Variants in SEC24D observed in about 807,000 individuals in gnomAD.
The protein encoded by SEC24D is protein transport protein Sec24D.
In SEC24D, 69 loss-of-function variants were observed where a neutral mutation model predicts 116.9. The ratio of observed to expected loss-of-function variants is 0.59; its 90% confidence interval spans 0.49 to 0.72. SEC24D has a LOEUF of 0.72. SEC24D is among the 30% of genes least tolerant of loss of function. SEC24D has a pLI of 0.00. For missense variants in SEC24D, 1,131 were observed against 1,264.1 expected, an observed-to-expected ratio of 0.89 and a Z score of 1.60; for synonymous variants, 405 against 442.8, an observed-to-expected ratio of 0.91 and a Z score of 1.07.
At chr4:118,825,633 G>T (rs1313466730) in intron 2 of SEC24D, 2 of 454,726 alleles carry the variant, frequency 4.4e-6, no homozygotes, top group Admixed American at 2.4e-5. Flanking sequence ...AAAATGAAAG[G>T]CTTAGACTAG....
At chr4:118,835,127 T>C (rs1731037336) in intron 1 of SEC24D, among the ~76,000 whole-genome samples, 1 of 152,190 alleles carries the variant, frequency 6.6e-6, no homozygotes, top group Non-Finnish European at 1.5e-5. Flanking sequence ...GCCTGAGCGC[T>C]GGTCAAGCTC....
At chr4:118,725,308 TAATG>T (rs1251717555) in intron 22 of SEC24D, among the ~76,000 whole-genome samples, 1 of 152,174 alleles carries the variant, frequency 6.6e-6, no homozygotes, top group Non-Finnish European at 1.5e-5. Context: ...AACTAACCCT[TAATG>T]AGATTTCTCC....
At position 118,817,223 on chromosome 4, in the gene SEC24D, G is replaced by A. The variant is rs755051933; in HGVS notation, c.397+41C>T. 21 of 1,520,226 alleles carry A rather than the reference G, an allele frequency of 1.4e-5. No homozygotes were observed. The Admixed American group carries it at 2.9e-4, about 21-fold the overall frequency. 94.2% of individuals were successfully genotyped at this position (1,520,226 alleles called of 1,614,324 possible). On this transcript the variant is annotated intron_variant, in intron 4 of 22. Transcript: ENST00000280551. The stretch of plus-strand genomic sequence containing the variant: ...AACCTCTCTCATTAAAAATGACCAG[G>A]ACACAAGGCAGTCAATAAACACTAA...
At chr4:118,750,127 G>C (rs1024324646) in intron 13 of SEC24D, among the ~76,000 whole-genome samples, 2 of 152,142 alleles carry the variant, frequency 1.3e-5, no homozygotes, top group East Asian at 3.8e-4. Context: ...CATCACATCA[G>C]CTGAAATGAG....
rs116166779 is a variant in SEC24D at position 118,810,917 on chromosome 4, A to C, written c.801+4111T>G. 2.9e-3 allele frequency among the ~76,000 whole-genome samples: 442 copies of C among 152,302 alleles called. 3 individuals are homozygous for C. The highest frequency in any genetic ancestry group is 0.01 in the African/African-American group (420 of 41,532). On this transcript the variant is annotated intron_variant, in intron 6 of 22. Transcript: ENST00000280551. Reference sequence around the variant, plus strand: ...ACAGCCTCCAGTGGGGTAGGCAGAGATATAAGCAAATGGGTGGAATCCCAG... The same window carrying C: ...ACAGCCTCCAGTGGGGTAGGCAGAGCTATAAGCAAATGGGTGGAATCCCAG...
intron 3 of SEC24D, among the ~76,000 whole-genome samples, chr4:118,818,754 T>C (rs576043274): frequency 6.6e-6 from 1 of 151,478 alleles, no homozygotes; most frequent in Non-Finnish European, 1.5e-5. Context: ...ATAAAATACA[T>C]GTTGCAAGAA....
Position 118,812,289 on chromosome 4 carries a change from C to T in SEC24D, c.801+2739G>A, listed in dbSNP as rs534971185. Among the ~76,000 whole-genome samples, 44 of 152,158 alleles carry T rather than the reference C, an allele frequency of 2.9e-4. No individual in the cohort carries two copies. In the East Asian group the frequency reaches 6.8e-3, roughly 23 times the overall value. On this transcript the variant is annotated intron_variant, in intron 6 of 22. Transcript: ENST00000280551. ...CTGTGAATATTACTGATATGGGAGG[C>T]GGGCAGGGAAGTGCTGGGTAGAGAA...
chr4:118,749,282 T>G (rs552465687), intron 13 of SEC24D, among the ~76,000 whole-genome samples: 1 of 152,300 alleles, frequency 6.6e-6, no homozygotes, highest in Admixed American at 6.5e-5. Flanking sequence ...TTTCAAGGAC[T>G]TTTCAAAAGG....
In SEC24D at chr4:118,752,882, C is replaced by A. The variant is rs770444839; in HGVS notation, c.1428G>T (p.Glu476Asp). ...KTMLEKIPKE[E>D]QEETSAIRVG... Reference sequence around the variant, plus strand: ...CTCGAATTGCAGACGTCTCTTCTTGCTCTTCCCTGTAAGGAAAAAAAAAAG... The same window carrying A: ...CTCGAATTGCAGACGTCTCTTCTTGATCTTCCCTGTAAGGAAAAAAAAAAG... Residue 476 changes from glutamate to aspartate, a missense_variant, in exon 12 of 23, where the codon GAG (glutamate) becomes GAT (aspartate). Physicochemically the swap from Glu to Asp is conservative, Grantham distance 45. Coordinates refer to ENST00000280551, the MANE Select transcript of SEC24D (RefSeq NM_014822.4). 127 of 1,556,650 alleles carry A rather than the reference C, an allele frequency of 8.2e-5. 1 individual carries two copies. The highest frequency in any genetic ancestry group is 1.1e-4 in the Non-Finnish European group (126 of 1,158,088).
At chr4:118,790,014 G>A (rs1263172722) in intron 8 of SEC24D, among the ~76,000 whole-genome samples, 1 of 152,162 alleles carries the variant, frequency 6.6e-6, no homozygotes, top group African/African-American at 2.4e-5. Context: ...CACATTGTAC[G>A]AAAGTTAGCT....
intron 6 of SEC24D, among the ~76,000 whole-genome samples, 168 bp downstream of exon 6, chr4:118,814,860 T>C (rs1730069521): frequency 6.6e-6 from 1 of 152,200 alleles, no homozygotes; most frequent in Non-Finnish European, 1.5e-5. Context: ...AACCCTAGCA[T>C]GCTTTCCCCC....
Position 118,815,046 on chromosome 4 carries a change from A to T in SEC24D, c.783T>A (p.Pro261=), listed in dbSNP as rs1216762004. The change falls in exon 6 of 23, where the codon CCT becomes CCA. Residue 261 remains proline (P), a synonymous_variant. Transcript: ENST00000280551. ...TACTTACTGGGCTAGGGATAGAGTC[A>T]GGATCCAGCTTCTTCTGGGGCTGTG... The part of the protein sequence containing the change: ...GPPQPQKKLD[P]DSIPSPIQVI... 1 of 1,614,078 alleles carries T rather than the reference A, an allele frequency of 6.2e-7. No homozygotes were observed. Among genetic ancestry groups the T allele is most frequent in the African/African-American group, 1.3e-5 (1 of 74,944 alleles).
In SEC24D at chr4:118,757,849, T is replaced by C. The variant is rs199622809; in HGVS notation, c.1297-4A>G. On this transcript the variant is annotated splice_region_variant and splice_polypyrimidine_tract_variant and intron_variant, in intron 10 of 22. Coordinates refer to ENST00000280551, the MANE Select transcript of SEC24D (RefSeq NM_014822.4). ...GTGGGTTGGGAGGCTTACTCTTCTATAGGAAAGCAAACACATCACATAAAT... is the reference window on the plus strand; with the variant it reads ...GTGGGTTGGGAGGCTTACTCTTCTACAGGAAAGCAAACACATCACATAAAT... The C allele has an allele frequency of 5.6e-6, 9 of 1,597,704 alleles. No homozygotes were observed. Among genetic ancestry groups the C allele is most frequent in the Non-Finnish European group, 7.7e-6 (9 of 1,174,290 alleles).
chr4:118,766,868 G>C (rs1025230502), intron 9 of SEC24D: 2 of 152,192 alleles, frequency 1.3e-5, no homozygotes, highest in Admixed American at 1.3e-4. Flanking sequence ...CTGAAATCCA[G>C]GTCCCAAGAC....
intron 1 of SEC24D, among the ~76,000 whole-genome samples, chr4:118,834,462 A>C (rs1254892620): frequency 6.6e-6 from 1 of 152,190 alleles, no homozygotes; most frequent in Non-Finnish European, 1.5e-5. Context: ...CACACATCAC[A>C]AATATAACAG....
chr4:118,777,092 ATTATTTAT>A (rs70944813), intron 8 of SEC24D, among the ~76,000 whole-genome samples: 86 of 148,638 alleles, frequency 5.8e-4, no homozygotes, highest in African/African-American at 1.5e-3. Flanking sequence ...GAAGGTCTGA[ATTATTTAT>A]TTATTTATTT....
rs907262471 is a variant in SEC24D, at chr4:118,812,036, G to A, written c.801+2992C>T. 5.9e-5 allele frequency among the ~76,000 whole-genome samples: 9 copies of A among 152,204 alleles called. No homozygotes were observed. In the East Asian group the frequency reaches 1.7e-3, roughly 29 times the overall value. On this transcript the variant is annotated intron_variant, in intron 6 of 22. Coordinates refer to ENST00000280551, the MANE Select transcript of SEC24D (RefSeq NM_014822.4). ...GCCAAGAAAATGTAGCAGAAGTAGC[G>A]ATGTGCCAGTTCCAAGCCTAAGCTT...
At position 118,793,856 on chromosome 4, in the gene SEC24D, G is replaced by GA. The variant is rs1729057383; in HGVS notation, c.1041+3826dup. 3.9e-5 allele frequency among the ~76,000 whole-genome samples: 6 copies of GA among 152,324 alleles called. No individual in the cohort carries two copies. The East Asian group carries it at 1.2e-3, about 29-fold the overall frequency. On this transcript the variant is annotated intron_variant, in intron 8 of 22. Coordinates refer to ENST00000280551, the MANE Select transcript of SEC24D (RefSeq NM_014822.4). The stretch of plus-strand genomic sequence containing the variant: ...AGGGGAAAAGAAAGGGCTTTGTGTA[G>GA]AGAGAGCCTGAGTAGAGAAAACAGT...
At chr4:118,786,287 G>T (rs1560695941) in intron 8 of SEC24D, among the ~76,000 whole-genome samples, 1 of 152,066 alleles carries the variant, frequency 6.6e-6, no homozygotes, top group African/African-American at 2.4e-5. Flanking sequence ...TTTAGACAGG[G>T]TTTTCTTTTC....
Sources: allele counts gnomAD v4.1 joint callset (sites outside exome capture counted in the v4.1 genomes callset), GRCh38; gene constraint gnomAD v4.1.1; transcripts MANE v1.5; gene names NCBI Gene and HGNC (gene_info 2026-07-23, HGNC 2026-07-21).